ANKRD31: variants seen among roughly 807,000 people sequenced by gnomAD.
The protein encoded by ANKRD31 is ankyrin repeat domain 31, also known as ankyrin repeat domain-containing protein 31.
ANKRD31 carries 147 observed loss-of-function variants against 186.0 expected under a neutral mutation model. The ratio of observed to expected loss-of-function variants is 0.79; its 90% CI spans 0.69 to 0.91. ANKRD31 has a LOEUF of 0.91. ANKRD31 is among the 40% of genes least tolerant of loss of function. The pLI is 0.00. For missense variants in ANKRD31, 1,986 were observed against 2,148.8 expected, an observed-to-expected ratio of 0.92 and a Z score of 1.50; for synonymous variants, 673 against 736.4, an observed-to-expected ratio of 0.91 and a Z score of 1.39.
At chr5:75,216,056 T>C (rs771327615) in intron 3 of ANKRD31, among the ~76,000 whole-genome samples, 1 of 152,126 alleles carries the variant, frequency 6.6e-6, no homozygotes, top group Non-Finnish European at 1.5e-5. Flanking sequence ...AAAAGAAAGT[T>C]AAAGGAGGTA....
At chr5:75,178,581 C>T (rs1269978079) in intron 10 of ANKRD31, among the ~76,000 whole-genome samples, 2 of 152,120 alleles carry the variant, frequency 1.3e-5, no homozygotes, top group African/African-American at 2.4e-5. Flanking sequence ...TTAAGAAACT[C>T]ACTCAAAACT....
chr5:75,145,887 C>T (rs1267645113), intron 14 of ANKRD31, 100 bp downstream of exon 14: 1 of 1,069,072 alleles, frequency 9.4e-7, no homozygotes, highest in African/African-American at 1.6e-5. Context: ...CCTCATTCTT[C>T]TCAGTTTGGC....
At chr5:75,194,908 A>G (rs1755357808) in intron 7 of ANKRD31, among the ~76,000 whole-genome samples, 1 of 152,144 alleles carries the variant, frequency 6.6e-6, no homozygotes, top group Non-Finnish European at 1.5e-5. Context: ...TTGTTACCAT[A>G]TTATTATGTA....
At chr5:75,075,109 T>A (rs961825029) in intron 25 of ANKRD31, among the ~76,000 whole-genome samples, 1 of 152,216 alleles carries the variant, frequency 6.6e-6, no homozygotes, top group African/African-American at 2.4e-5. Flanking sequence ...AAATAAATAA[T>A]AACCTGTAAC....
In ANKRD31 at chr5:75,107,166, C is replaced by T. The variant is rs115439587; in HGVS notation, c.4340+355G>A. Reference sequence around the variant, plus strand: ...CTGATTGATCAACTGCTTAGAAGGACGTTTGTGACAGCAAAAAAGAAACTT... The same window carrying T: ...CTGATTGATCAACTGCTTAGAAGGATGTTTGTGACAGCAAAAAAGAAACTT... On this transcript the variant is annotated intron_variant, in intron 21 of 25. Coordinates refer to ENST00000506364, the MANE Select transcript of ANKRD31 (RefSeq NM_001372053.1). 5.9e-3 allele frequency among the ~76,000 whole-genome samples: 891 copies of T among 151,928 alleles called. 10 individuals carry two copies. The highest frequency in any genetic ancestry group is 0.02 in the African/African-American group (820 of 41,476).
intron 1 of ANKRD31, among the ~76,000 whole-genome samples, chr5:75,234,647 T>G (rs1758149627): frequency 6.6e-6 from 1 of 152,254 alleles, no homozygotes; most frequent in Non-Finnish European, 1.5e-5. Flanking sequence ...CAGAGATATT[T>G]TCTAAGTGTA....
At chr5:75,232,523 G>C (rs1465863821) in intron 1 of ANKRD31, among the ~76,000 whole-genome samples, 1 of 151,524 alleles carries the variant, frequency 6.6e-6, no homozygotes, top group Non-Finnish European at 1.5e-5. Context: ...CTAAATGCTG[G>C]GATTACAGCT....
At chr5:75,087,331 A>G (rs1267056463) in intron 23 of ANKRD31, among the ~76,000 whole-genome samples, 2 of 151,666 alleles carry the variant, frequency 1.3e-5, no homozygotes, top group East Asian at 3.9e-4. Context: ...ACATGGTGAA[A>G]CCCCGTCTCT....
chr5:75,178,975 A>C (rs1232227661), intron 10 of ANKRD31, among the ~76,000 whole-genome samples: 1 of 152,204 alleles, frequency 6.6e-6, no homozygotes, highest in Non-Finnish European at 1.5e-5. Flanking sequence ...AACAAAATTG[A>C]TAGACCTCTG....
chr5:75,152,191 G>A (rs189382731), intron 12 of ANKRD31, among the ~76,000 whole-genome samples: 53 of 152,026 alleles, frequency 3.5e-4, no homozygotes, highest in Admixed American at 3.0e-3. Flanking sequence ...TTCTTGAGTT[G>A]TTCTGTCAAG....
In ANKRD31 at chr5:75,196,097, G is replaced by A; in HGVS notation, c.551C>T (p.Pro184Leu). 1 of 1,536,724 alleles carries A rather than the reference G, an allele frequency of 6.5e-7. No individual in the cohort carries two copies. Among genetic ancestry groups the A allele is most frequent in the Non-Finnish European group, 8.7e-7 (1 of 1,146,662 alleles). Residue 184 changes from proline to leucine, a missense_variant, in exon 7 of 26, where the codon CCA becomes CTA. Transcript: ENST00000506364. Reference protein sequence around the residue: ...VAVKETSLVEPEKILAAPNTF... With the variant: ...VAVKETSLVELEKILAAPNTF... ...ATTTGGTGCTGCTAAAATCTTCTCTGGCTCTACTAATGATGTCTCCTTTAC... is the reference window on the plus strand; with the variant it reads ...ATTTGGTGCTGCTAAAATCTTCTCTAGCTCTACTAATGATGTCTCCTTTAC...
chr5:75,187,537 G>A (rs1256252532), intron 10 of ANKRD31, among the ~76,000 whole-genome samples: 1 of 151,756 alleles, frequency 6.6e-6, no homozygotes, highest in Non-Finnish European at 1.5e-5. Context: ...CTGCATATAG[G>A]GCTACTCTTG....
chr5:75,112,891 C>G (rs1052397571), intron 19 of ANKRD31, among the ~76,000 whole-genome samples: 1 of 152,174 alleles, frequency 6.6e-6, no homozygotes, highest in Non-Finnish European at 1.5e-5. Context: ...TCTGTTGAAA[C>G]TATAGGTGTA....
intron 1 of ANKRD31, among the ~76,000 whole-genome samples, chr5:75,231,906 AACACACACACACAC>A (rs56755264): frequency 0.011 from 1,654 of 144,700 alleles, 41 homozygotes; most frequent in African/African-American, 0.033. Flanking sequence ...ACTGTCTCAA[AACACACACACACAC>A]ACACACACAC....
chr5:75,175,251 G>A (rs1317436382), intron 10 of ANKRD31, among the ~76,000 whole-genome samples: 2 of 152,098 alleles, frequency 1.3e-5, no homozygotes, highest in African/African-American at 2.4e-5. Context: ...GCCTGGGGGA[G>A]GGATAGCATT....
chr5:75,134,199 C>A (rs12156264), intron 17 of ANKRD31, among the ~76,000 whole-genome samples: 2 of 152,018 alleles, frequency 1.3e-5, no homozygotes, highest in African/African-American at 4.8e-5. Context: ...ACACAAAAAA[C>A]CCTTCAAAAT....
rs893760533 is a variant in ANKRD31 at position 75,104,149 on chromosome 5, T to C, written c.5331+79A>G. 5.7e-6 allele frequency: 7 copies of C among 1,235,334 alleles called. No individual in the cohort carries two copies. The African/African-American group carries it at 1.1e-4, about 19-fold the overall frequency. The allele number at this position is 1,235,334 out of a possible 1,614,324, so 76.5% of individuals were successfully genotyped here. A position where few individuals can be genotyped will look rare whatever the true frequency, so the allele number is the denominator to read the frequency against. On this transcript the variant is annotated intron_variant, in intron 22 of 25. Coordinates refer to ENST00000506364, the MANE Select transcript of ANKRD31 (RefSeq NM_001372053.1). ...CCCCATTTCCCTAATCAGAGCTAAATGTCTATATTATGTGACAGCAACATT... is the reference window on the plus strand; with the variant it reads ...CCCCATTTCCCTAATCAGAGCTAAACGTCTATATTATGTGACAGCAACATT...
At chr5:75,135,505 C>T (rs979550087) in intron 17 of ANKRD31, among the ~76,000 whole-genome samples, 1 of 151,750 alleles carries the variant, frequency 6.6e-6, no homozygotes, top group Non-Finnish European at 1.5e-5. Context: ...CACTGCTCAA[C>T]GAAATAAAAG....
At chr5:75,226,762 G>A (rs1757651680) in intron 2 of ANKRD31, among the ~76,000 whole-genome samples, 1 of 152,082 alleles carries the variant, frequency 6.6e-6, no homozygotes, top group South Asian at 2.1e-4. Flanking sequence ...CAAACAACAG[G>A]CAATAACAAA....
Sources: gnomAD v4.1 joint callset for allele counts (sites outside exome capture counted in the v4.1 genomes callset) on GRCh38, gnomAD v4.1.1 for gene constraint, MANE v1.5 for transcripts, NCBI Gene and HGNC (gene_info 2026-07-23, HGNC 2026-07-21) for gene names.